FSIP2: variants seen among roughly 807,000 people sequenced by gnomAD.
The protein encoded by FSIP2 is fibrous sheath-interacting protein 2.
Under a neutral mutation model 510.5 loss-of-function variants are expected in FSIP2, and 367 were observed. That is an observed-to-expected ratio of 0.72 (90% confidence interval 0.66 to 0.78). The LOEUF (loss-of-function observed/expected upper bound fraction) is 0.78. FSIP2 is among the 30% of genes least tolerant of loss of function. The probability of loss-of-function intolerance (pLI) is 0.00; values close to 1 mark genes in which losing one functional copy is unlikely to be tolerated. For missense variants in FSIP2, 7,594 were observed against 7,901.7 expected (o/e 0.96, Z 1.48); for synonymous variants, 2,601 against 2,732.2 (o/e 0.95, Z 1.50).
Position 185,789,519 on chromosome 2 carries a change from G to T in FSIP2, c.2383G>T (p.Glu795Ter). Residue 795 changes from glutamate to a stop codon, truncating the protein, a stop_gained, in exon 16 of 23, where the codon GAA becomes TAA. Transcript: ENST00000424728. LOFTEE classifies it high-confidence loss of function. Reference sequence around the variant, plus strand: ...TAAACCAAGTTTAGCAGCCAGTGATGAACTTCTCACATCATCTAATGGAAA... The same window carrying T: ...TAAACCAAGTTTAGCAGCCAGTGATTAACTTCTCACATCATCTAATGGAAA... ...DIKPSLAASD[E>*]LLTSSNGKPL... is the part of the protein sequence containing the mutation. 6.5e-7 allele frequency: 1 copy of T among 1,534,654 alleles called. No individual in the cohort carries two copies. The highest frequency in any genetic ancestry group is 1.2e-5 in the South Asian group (1 of 84,028).
At position 185,816,199 on chromosome 2, in the gene FSIP2, GA is replaced by G. The variant is rs1193902729; in HGVS notation, c.20426+729del. ...CATGTTATACACAGAAAAATCTAGT[GA>G]TTTTTTTTTTTTCATTCAGCATGCT... On this transcript the variant is annotated intron_variant, in intron 19 of 22. Coordinates refer to ENST00000424728, the MANE Select transcript of FSIP2 (RefSeq NM_173651.4). Among the ~76,000 whole-genome samples, 3 of 100,602 alleles carry G rather than the reference GA, an allele frequency of 3.0e-5. No homozygotes were observed. In the East Asian group the frequency reaches 8.1e-4, roughly 27 times the overall value. The allele number at this position is 100,602 out of a possible 152,430, so 66.0% of individuals were successfully genotyped here.
Position 185,799,703 on chromosome 2 carries a change from G to T in FSIP2, c.10397G>T (p.Ser3466Ile), listed in dbSNP as rs1209606186. 1.6e-6 allele frequency: 2 copies of T among 1,281,280 alleles called. No individual in the cohort carries two copies. The highest frequency in any genetic ancestry group is 1.0e-6 in the Non-Finnish European group (1 of 972,862). 79.4% of individuals were successfully genotyped at this position (1,281,280 alleles called of 1,614,324 possible). The change falls in exon 17 of 23, where the codon AGT (serine) becomes ATT (isoleucine). Residue 3466 changes from serine (S) to isoleucine (I), a missense_variant. Ser to Ile is a moderately radical substitution (Grantham distance 142). Coordinates refer to ENST00000424728, the MANE Select transcript of FSIP2 (RefSeq NM_173651.4). ...YLKNFETTVF[S>I]EEKMSVSTWS... ...CAATGTTTCCTTTTTTAAGTTTTTA[G>T]TGAGGAAAAGATGTCTGTTTCTACA... is the stretch of plus-strand genomic sequence containing the variant.
chr2:185,811,468 CAAAAAAAA>C (rs796187112), intron 17 of FSIP2, among the ~76,000 whole-genome samples: 2 of 59,018 alleles, frequency 3.4e-5, no homozygotes, highest in Non-Finnish European at 7.3e-5. Flanking sequence ...GACTCCACCT[CAAAAAAAA>C]AAAAAAAAAT....
At position 185,828,018 on chromosome 2, in the gene FSIP2, T is replaced by G. The variant is rs1184385383; in HGVS notation, c.20474-138T>G. 22 of 566,936 alleles carry G rather than the reference T, an allele frequency of 3.9e-5. No homozygotes were observed. In the South Asian group the frequency reaches 5.4e-4, roughly 14 times the overall value. The allele number at this position is 566,936 out of a possible 1,614,324, so 35.1% of individuals were successfully genotyped here. On this transcript the variant is annotated intron_variant, in intron 20 of 22. Transcript: ENST00000424728. ...GTGTTGTTCCCAATTGCTTATACATTTAAAATAACAACTTCTTCGACCTGC... is the reference window on the plus strand; with the variant it reads ...GTGTTGTTCCCAATTGCTTATACATGTAAAATAACAACTTCTTCGACCTGC...
chr2:185,808,226 C>CA lies in FSIP2; in HGVS notation c.18923dup (p.Asn6308LysfsTer20). 6.2e-7 allele frequency: 1 copy of CA among 1,607,952 alleles called. No homozygotes were observed. Among genetic ancestry groups the CA allele is most frequent in the South Asian group, 1.1e-5 (1 of 89,722 alleles). The stretch of plus-strand genomic sequence containing the variant: ...CAACCTCAAGTAGAGGAAGAAGTAT[C>CA]AAATTCAGAATTAGTTCTGGAAGCT... On this transcript the variant is annotated frameshift_variant, in exon 17 of 23. Coordinates refer to ENST00000424728, the MANE Select transcript of FSIP2 (RefSeq NM_173651.4). LOFTEE classifies it high-confidence loss of function.
At chr2:185,798,968 C>T (rs1693361622) in intron 16 of FSIP2, among the ~76,000 whole-genome samples, 1 of 151,720 alleles carries the variant, frequency 6.6e-6, no homozygotes, top group Non-Finnish European at 1.5e-5. Context: ...TGTGTAGAGT[C>T]TTGCCTGATA....
chr2:185,787,254 G>A (rs1419821514), intron 15 of FSIP2, among the ~76,000 whole-genome samples: 4 of 151,710 alleles, frequency 2.6e-5, no homozygotes, highest in Non-Finnish European at 5.9e-5. Context: ...CTCAAAATAT[G>A]TGTTTAATGC....
rs545752476 is a variant in FSIP2 at position 185,786,822 on chromosome 2, C to A, written c.1506+534C>A. Among the ~76,000 whole-genome samples the A allele has an allele frequency of 9.9e-5, 15 of 152,012 alleles. No individual in the cohort carries two copies. The South Asian group carries it at 2.9e-3, about 29-fold the overall frequency. ...AAGAGAAAGCATTTGAGGAACAACA[C>A]ATGCTCTGAGACGCTATTTAACATG... On this transcript the variant is annotated intron_variant, in intron 15 of 22. Transcript: ENST00000424728.
At chr2:185,832,244 G>A (rs188991769) in intron 22 of FSIP2, among the ~76,000 whole-genome samples, 16 of 151,980 alleles carry the variant, frequency 1.1e-4, no homozygotes, top group Admixed American at 2.0e-4. Flanking sequence ...CCAATCTCAT[G>A]CAACATCATC....
chr2:185,830,996 C>G (rs1402458366), intron 21 of FSIP2, among the ~76,000 whole-genome samples: 1 of 151,916 alleles, frequency 6.6e-6, no homozygotes. Context: ...CCTCAGTTAT[C>G]TTGTTTCCAA....
intron 13 of FSIP2, among the ~76,000 whole-genome samples, chr2:185,772,431 G>A (rs72898097): frequency 0.025 from 3,882 of 152,294 alleles, 70 homozygotes; most frequent in Admixed American, 0.041. Context: ...TGGCACCAGC[G>A]TTGCTTCTGG....
chr2:185,771,671 A>AAT (rs1692611010), intron 13 of FSIP2, among the ~76,000 whole-genome samples: 1 of 152,122 alleles, frequency 6.6e-6, no homozygotes, highest in African/African-American at 2.4e-5. Flanking sequence ...AGACTTCTGA[A>AAT]ATGCCTTTGA....
intron 19 of FSIP2, among the ~76,000 whole-genome samples, chr2:185,821,712 C>A (rs1376129065): frequency 1.3e-5 from 2 of 151,474 alleles, no homozygotes; most frequent in Non-Finnish European, 3.0e-5. Flanking sequence ...CTTCTCAAGC[C>A]CGACAATTTG....
chr2:185,757,704 C>T (rs1188458688), intron 9 of FSIP2, among the ~76,000 whole-genome samples: 4 of 151,264 alleles, frequency 2.6e-5, no homozygotes, highest in Non-Finnish European at 5.9e-5. Context: ...GGTGATTCTC[C>T]AAGCAGAGTT....
At chr2:185,766,440 G>C (rs1692482519) in intron 13 of FSIP2, 1 of 148,220 alleles carries the variant, frequency 6.7e-6, no homozygotes, top group Non-Finnish European at 1.5e-5. Context: ...CTAATAACCA[G>C]AATCTACAAT....
At chr2:185,753,620 C>A in intron 7 of FSIP2, 102 bp from the exon 8 acceptor site, 1 of 582,426 alleles carries the variant, frequency 1.7e-6, no homozygotes, top group African/African-American at 1.9e-5. Flanking sequence ...CAAGACAGGA[C>A]TGATTATCCA....
intron 12 of FSIP2, 97 bp downstream of exon 12, chr2:185,763,386 T>C (rs1692395119): frequency 3.0e-6 from 2 of 667,298 alleles, no homozygotes; most frequent in East Asian, 5.5e-5. Context: ...TATGTAACCA[T>C]ACAAAACAAC....
In FSIP2 at chr2:185,808,764, T is replaced by C. The variant is rs776555925; in HGVS notation, c.19458T>C (p.Asn6486=). 22 of 1,612,590 alleles carry C rather than the reference T, an allele frequency of 1.4e-5. No homozygotes were observed. The highest frequency in any genetic ancestry group is 1.7e-5 in the Admixed American group (1 of 59,846). ...ATCTCTCTGGAGAGCTAGACGTTAA[T>C]AGAATTGTTCAAAAGGCCCAAGAAC... The part of the protein sequence containing the change: ...NADLSGELDV[N]RIVQKAQEHA... Residue 6486 remains asparagine, a synonymous_variant, in exon 17 of 23, where the codon AAT becomes AAC. Transcript: ENST00000424728.
rs897809405 is a variant in FSIP2 at position 185,804,647 on chromosome 2, C to T, written c.15341C>T (p.Pro5114Leu). The T allele has an allele frequency of 2.0e-6, 3 of 1,532,954 alleles. No individual in the cohort carries two copies. Among genetic ancestry groups the T allele is most frequent in the Non-Finnish European group, 2.6e-6 (3 of 1,144,844 alleles). 95.0% of individuals were successfully genotyped at this position (1,532,954 alleles called of 1,614,324 possible). A position where few individuals can be genotyped will look rare whatever the true frequency, so the allele number is the denominator to read the frequency against. ...TTGCCACCATATATTACTGTGTTGC[C>T]TCATTCTCTTTTAGAAGATATGGTT... ...HALPPYITVL[P>L]HSLLEDMVYR... The change falls in exon 17 of 23, where the codon CCT (proline) becomes CTT (leucine). Residue 5114 changes from proline (P) to leucine (L), a missense_variant. By Grantham distance (98) the Pro-to-Leu change is moderately conservative. Transcript: ENST00000424728.
Sources: allele counts gnomAD v4.1 joint callset (sites outside exome capture counted in the v4.1 genomes callset), GRCh38; gene constraint gnomAD v4.1.1; transcripts MANE v1.5; gene names NCBI Gene and HGNC (gene_info 2026-07-23, HGNC 2026-07-21).